The following NREP variants were observed in gnomAD, a reference collection of about 807,000 sequenced individuals.
NREP encodes neuronal regeneration related protein, also known as neuronal regeneration-related protein.
Under a neutral mutation model 8.6 loss-of-function variants are expected in NREP, and 5 were observed. The observed-to-expected ratio is 0.58, with a 90% CI of 0.30 to 1.22. NREP has a LOEUF of 1.22. Among genes scored for constraint, NREP ranks in the 50% most tolerant of loss-of-function variants. The probability of loss-of-function intolerance (pLI) is 0.07; values close to 1 mark genes in which losing one functional copy is unlikely to be tolerated. For missense variants in NREP, 86 were observed against 82.5 expected (o/e 1.04, Z -0.17); for synonymous variants, 27 against 28.0 (o/e 0.96, Z 0.11).
intron 2 of NREP, among the ~76,000 whole-genome samples, chr5:111,744,110 A>G (rs1749851401): frequency 6.6e-6 from 1 of 152,146 alleles, no homozygotes; most frequent in Admixed American, 6.5e-5. Flanking sequence ...TGACATGTGC[A>G]AGACAGAGCT....
At chr5:111,835,802 A>T (rs566868898) in intron 2 of NREP, among the ~76,000 whole-genome samples, 1 of 152,216 alleles carries the variant, frequency 6.6e-6, no homozygotes, top group Admixed American at 6.6e-5. Flanking sequence ...AGGGGGAAAA[A>T]GGTCATTGCT....
rs146827396 is a variant in NREP, at chr5:111,897,032, G to A, written c.135+78242C>T. Among the ~76,000 whole-genome samples, 7 of 151,982 alleles carry A rather than the reference G, an allele frequency of 4.6e-5. No homozygotes were observed. The East Asian group carries it at 1.3e-3, about 29-fold the overall frequency. On this transcript the variant is annotated intron_variant, in intron 2 of 3. Coordinates refer to the NREP transcript ENST00000395634. ...TATACTATTGGTTTTGGAGAACAGGGGTCACTCTATTAGATTCAAACCTGG... is the reference window on the plus strand; with the variant it reads ...TATACTATTGGTTTTGGAGAACAGGAGTCACTCTATTAGATTCAAACCTGG...
chr5:111,870,673 C>A (rs574665986), intron 2 of NREP, among the ~76,000 whole-genome samples: 1 of 152,160 alleles, frequency 6.6e-6, no homozygotes, highest in South Asian at 2.1e-4. Context: ...GGGATATAAT[C>A]CGTTAAGACA....
At chr5:111,877,556 G>C (rs780620475) in intron 2 of NREP, among the ~76,000 whole-genome samples, 3 of 152,182 alleles carry the variant, frequency 2.0e-5, no homozygotes, top group Non-Finnish European at 4.4e-5. Flanking sequence ...TTGTAACCAT[G>C]TGACAGAAAC....
chr5:111,829,214 C>A (rs574751945), intron 2 of NREP, among the ~76,000 whole-genome samples: 1 of 152,076 alleles, frequency 6.6e-6, no homozygotes, highest in Non-Finnish European at 1.5e-5. Context: ...GGACATTAAG[C>A]GGCATGCTAA....
chr5:111,871,987 C>T (rs1284978771), intron 2 of NREP, among the ~76,000 whole-genome samples: 1 of 149,944 alleles, frequency 6.7e-6, no homozygotes, highest in Non-Finnish European at 1.5e-5. Flanking sequence ...TATACACACA[C>T]ATATGTATAA....
chr5:111,731,118 T>C (rs1748515262), intron 3 of NREP, 72 bp from the exon 4 acceptor site: 1 of 1,554,898 alleles, frequency 6.4e-7, no homozygotes, highest in South Asian at 1.2e-5. Flanking sequence ...TCTGAAACCA[T>C]TTTTTAAAAT....
intron 2 of NREP, among the ~76,000 whole-genome samples, chr5:111,875,550 C>G (rs537366685): frequency 2.6e-5 from 4 of 152,250 alleles, no homozygotes; most frequent in Non-Finnish European, 4.4e-5. Flanking sequence ...TCTTAGACCA[C>G]CAGAAGTTTA....
At chr5:111,882,580 G>C (rs1269922132) in intron 2 of NREP, among the ~76,000 whole-genome samples, 1 of 152,196 alleles carries the variant, frequency 6.6e-6, no homozygotes, top group Non-Finnish European at 1.5e-5. Context: ...CAGCCAGAGA[G>C]AAAGGCTGGG....
At chr5:111,807,947 C>T (rs1430008776) in intron 2 of NREP, among the ~76,000 whole-genome samples, 1 of 145,460 alleles carries the variant, frequency 6.9e-6, no homozygotes, top group Non-Finnish European at 1.5e-5. Flanking sequence ...ACAACAACAA[C>T]AAAACCCTCT....
chr5:111,820,567 C>G (rs900815516), intron 2 of NREP, among the ~76,000 whole-genome samples: 21 of 151,512 alleles, frequency 1.4e-4, no homozygotes, highest in African/African-American at 4.9e-4. Context: ...AGGGCTAGAG[C>G]TGATTTTTTT....
intron 2 of NREP, among the ~76,000 whole-genome samples, chr5:111,832,397 G>C (rs1752792221): frequency 6.6e-6 from 1 of 152,062 alleles, no homozygotes; most frequent in Non-Finnish European, 1.5e-5. Context: ...AGCTGGGGGT[G>C]GCATGAGCCT....
intron 2 of NREP, among the ~76,000 whole-genome samples, chr5:111,834,438 T>C (rs1375274582): frequency 1.3e-5 from 2 of 152,200 alleles, no homozygotes; most frequent in Admixed American, 6.5e-5. Context: ...TTCAAACTAA[T>C]AATATTTTAA....
At chr5:111,961,835 A>G (rs549732381) in intron 2 of NREP, among the ~76,000 whole-genome samples, 68 of 152,246 alleles carry the variant, frequency 4.5e-4, no homozygotes, top group Non-Finnish European at 8.8e-4. Context: ...AGTGGTGAGG[A>G]CTTAACAGGA....
intron 2 of NREP, among the ~76,000 whole-genome samples, chr5:111,907,163 GT>G (rs928253655): frequency 2.0e-5 from 3 of 151,462 alleles, no homozygotes; most frequent in East Asian, 3.9e-4. Context: ...CCTTAACAGT[GT>G]TTTTTTTGCC....
intron 2 of NREP, among the ~76,000 whole-genome samples, chr5:111,894,254 T>G (rs1465824661): frequency 1.3e-5 from 2 of 151,936 alleles, no homozygotes; most frequent in African/African-American, 4.8e-5. Context: ...AATAATAAAT[T>G]TTTCCAACAA....
chr5:111,890,001 T>C (rs1754355785), intron 2 of NREP, among the ~76,000 whole-genome samples: 1 of 152,220 alleles, frequency 6.6e-6, no homozygotes, highest in East Asian at 1.9e-4. Flanking sequence ...TGGTGGAAGG[T>C]CATCAGTTAA....
intron 2 of NREP, among the ~76,000 whole-genome samples, chr5:111,783,264 T>C (rs1174999128): frequency 1.3e-5 from 2 of 152,166 alleles, no homozygotes; most frequent in Non-Finnish European, 2.9e-5. Context: ...CCTGAGGTAA[T>C]TTGTGTTGTG....
chr5:111,936,219 T>G (rs1280469878), intron 2 of NREP, among the ~76,000 whole-genome samples: 1 of 152,042 alleles, frequency 6.6e-6, no homozygotes, highest in African/African-American at 2.4e-5. Context: ...AATTTTGTGT[T>G]GAGGGAGAGA....
Sources: gnomAD v4.1 joint callset for allele counts (sites outside exome capture counted in the v4.1 genomes callset) on GRCh38, gnomAD v4.1.1 for gene constraint, MANE v1.5 for transcripts, NCBI Gene and HGNC (gene_info 2026-07-23, HGNC 2026-07-21) for gene names.